Variants in PIP4P2 observed in about 807,000 individuals in gnomAD.
PIP4P2 encodes type 2 phosphatidylinositol 4,5-bisphosphate 4-phosphatase.
A neutral mutation model predicts 33.3 loss-of-function variants in PIP4P2; 19 were observed. That is an observed-to-expected ratio of 0.57 (90% CI 0.40 to 0.84). PIP4P2 has a LOEUF of 0.84. Among genes scored for constraint, PIP4P2 ranks in the 40% least tolerant of loss-of-function variants. The pLI is 0.00. For missense variants in PIP4P2, 270 were observed against 324.7 expected (o/e 0.83, Z 1.29); for synonymous variants, 110 against 111.9 (o/e 0.98, Z 0.11).
chr8:91,011,156 T>C (rs998320454), intron 4 of PIP4P2, among the ~76,000 whole-genome samples: 5 of 151,980 alleles, frequency 3.3e-5, no homozygotes, highest in East Asian at 1.9e-4. Flanking sequence ...CATTTGTCCC[T>C]AGATACAAAT....
rs1296610340 is a variant in PIP4P2, at chr8:91,011,051, TAGATAGATAGATAGAC to T, written c.487-2272_487-2257del. Among the ~76,000 whole-genome samples the T allele has an allele frequency of 4.7e-3, 705 of 149,298 alleles. 2 individuals carry two copies. Among genetic ancestry groups the T allele is most frequent in the Middle Eastern group, 0.014 (4 of 284 alleles). On this transcript the variant is annotated intron_variant, in intron 4 of 6. Transcript: ENST00000285419. ...ATAGATAGATAGATAGATAGATAGA[TAGATAGATAGATAGAC>T]AGATAGATACAATAGGCAACTGGTA...
rs1229392994 is a variant in PIP4P2 at position 91,040,844 on chromosome 8, CGCTGCA to C, written c.-101_-96del. 1 of 1,116,562 alleles carries C rather than the reference CGCTGCA, an allele frequency of 9.0e-7. No homozygotes were observed. The highest frequency in any genetic ancestry group is 1.6e-5 in the African/African-American group (1 of 62,994). The allele number at this position is 1,116,562 out of a possible 1,614,324, so 69.2% of individuals were successfully genotyped here. On this transcript the variant is annotated 5_prime_UTR_variant, in exon 1 of 7. Coordinates refer to ENST00000285419, the MANE Select transcript of PIP4P2 (RefSeq NM_018710.3). The stretch of plus-strand genomic sequence containing the variant: ...CTGCTGCCTCTGCTGCCGCTGCTGC[CGCTGCA>C]GCTGCTGCTGCTGCCGCCTCCGGGA...
chr8:91,026,183 G>A (rs1251538613), intron 1 of PIP4P2, among the ~76,000 whole-genome samples: 1 of 152,170 alleles, frequency 6.6e-6, no homozygotes, highest in Non-Finnish European at 1.5e-5. Flanking sequence ...GGCTGGAGGA[G>A]AAATAAGGGA....
At position 91,006,978 on chromosome 8, in the gene PIP4P2, G is replaced by A. The variant is rs529611670; in HGVS notation, c.539+1765C>T. Among the ~76,000 whole-genome samples, 5 of 152,084 alleles carry A rather than the reference G, an allele frequency of 3.3e-5. No individual in the cohort carries two copies. In the South Asian group the frequency reaches 1.0e-3, roughly 32 times the overall value. On this transcript the variant is annotated intron_variant, in intron 5 of 6. Coordinates refer to ENST00000285419, the MANE Select transcript of PIP4P2 (RefSeq NM_018710.3). ...AGTGAGACTCTGTCTCAAAAAAAAA[G>A]AAGTCTCTGCCTTTTCTTTTCTATA...
chr8:91,011,331 C>G (rs1811835134), intron 4 of PIP4P2, among the ~76,000 whole-genome samples: 1 of 152,002 alleles, frequency 6.6e-6, no homozygotes, highest in Non-Finnish European at 1.5e-5. Context: ...ATGGGCCCTA[C>G]AGAAATGTAA....
At chr8:91,000,359 CT>C (rs1811685021) in intron 5 of PIP4P2, among the ~76,000 whole-genome samples, 2 of 147,098 alleles carry the variant, frequency 1.4e-5, no homozygotes, top group Admixed American at 1.4e-4. Flanking sequence ...GAAATTTCTT[CT>C]GGAATATTTG....
At chr8:91,021,145 T>A in intron 2 of PIP4P2, 111 bp downstream of exon 2, 4 of 1,247,532 alleles carry the variant, frequency 3.2e-6, no homozygotes, top group Non-Finnish European at 3.3e-6. Context: ...AAGATTACCA[T>A]ATTTGTATCC....
At chr8:91,037,688 C>T (rs1439306288) in intron 1 of PIP4P2, among the ~76,000 whole-genome samples, 1 of 152,112 alleles carries the variant, frequency 6.6e-6, no homozygotes, top group Admixed American at 6.5e-5. Flanking sequence ...AAACTGTCTG[C>T]CTCTGTATAA....
chr8:90,996,814 G>T, intron 5 of PIP4P2, 70 bp from the exon 6 acceptor site: 1 of 1,248,202 alleles, frequency 8.0e-7, no homozygotes, highest in Non-Finnish European at 1.1e-6. Flanking sequence ...ATTTTTGTGA[G>T]TTCTTATCTA....
intron 3 of PIP4P2, among the ~76,000 whole-genome samples, chr8:91,019,602 C>G (rs1202672339): frequency 6.6e-6 from 1 of 151,586 alleles, no homozygotes; most frequent in Non-Finnish European, 1.5e-5. Flanking sequence ...CAGATGGGGT[C>G]TCACTCTGTT....
At chr8:91,021,131 A>G in intron 2 of PIP4P2, 125 bp downstream of exon 2, 1 of 1,138,866 alleles carries the variant, frequency 8.8e-7, no homozygotes. Flanking sequence ...AAAAGACAGG[A>G]AAAAAGATTA....
intron 5 of PIP4P2, among the ~76,000 whole-genome samples, chr8:91,003,917 T>G (rs1242867982): frequency 4.0e-5 from 6 of 151,632 alleles, no homozygotes; most frequent in African/African-American, 1.5e-4. Flanking sequence ...ATTGTATTAG[T>G]CAGGGTTCTC....
intron 5 of PIP4P2, among the ~76,000 whole-genome samples, chr8:91,007,711 C>G (rs957713276): frequency 6.6e-6 from 1 of 152,166 alleles, no homozygotes; most frequent in African/African-American, 2.4e-5. Flanking sequence ...AAGGTTGGCC[C>G]TTAGCTGGCA....
chr8:91,022,066 G>C (rs1429527406), intron 1 of PIP4P2, among the ~76,000 whole-genome samples: 1 of 152,108 alleles, frequency 6.6e-6, no homozygotes, highest in East Asian at 1.9e-4. Context: ...CATTAAAAAT[G>C]TAAGAAATGC....
chr8:91,024,410 T>C (rs1039962244), intron 1 of PIP4P2: 2 of 382,538 alleles, frequency 5.2e-6, no homozygotes, highest in Admixed American at 5.9e-5. Context: ...TGATTAATAA[T>C]TGGATTATTA....
intron 5 of PIP4P2, among the ~76,000 whole-genome samples, chr8:90,997,152 GGAAA>G (rs1468440297): frequency 5.9e-5 from 9 of 151,730 alleles, no homozygotes; most frequent in Non-Finnish European, 1.2e-4. Flanking sequence ...AGAATAAAAA[GGAAA>G]GAAACAATGA....
chr8:91,009,130 C>T (rs1811799258), intron 4 of PIP4P2, among the ~76,000 whole-genome samples: 1 of 152,088 alleles, frequency 6.6e-6, no homozygotes, highest in African/African-American at 2.4e-5. Context: ...CATATACCAT[C>T]AAAGTTATTT....
intron 1 of PIP4P2, among the ~76,000 whole-genome samples, chr8:91,030,686 C>T (rs148711019): frequency 4.5e-4 from 69 of 152,252 alleles, no homozygotes; most frequent in African/African-American, 1.5e-3. Context: ...TATTATGTAT[C>T]CTTTAAGTAT....
rs1240102755 is a variant in PIP4P2 at position 91,018,314 on chromosome 8, A to C, written c.486+76T>G. The C allele has an allele frequency of 2.5e-6, 4 of 1,582,098 alleles. No individual in the cohort carries two copies. In the African/African-American group the frequency reaches 5.4e-5, roughly 21 times the overall value. On this transcript the variant is annotated intron_variant, in intron 4 of 6. Coordinates refer to ENST00000285419, the MANE Select transcript of PIP4P2 (RefSeq NM_018710.3). Reference sequence around the variant, plus strand: ...TAATTTGCATTTGGACAAAACTATAAGACTATGAGCAGTGCTCTAATCTGT... The same window carrying C: ...TAATTTGCATTTGGACAAAACTATACGACTATGAGCAGTGCTCTAATCTGT...
Sources: gnomAD v4.1 joint callset for allele counts (sites outside exome capture counted in the v4.1 genomes callset) on GRCh38, gnomAD v4.1.1 for gene constraint, MANE v1.5 for transcripts, NCBI Gene and HGNC (gene_info 2026-07-23, HGNC 2026-07-21) for gene names.